KATNIP: variants seen among roughly 807,000 people sequenced by gnomAD.
KATNIP encodes the protein katanin interacting protein, also known as katanin-interacting protein.
In KATNIP, 126 loss-of-function variants were observed where a neutral mutation model predicts 174.0. The ratio of observed to expected loss-of-function variants is 0.72; its 90% CI spans 0.63 to 0.84. KATNIP has a LOEUF of 0.84. Ranked by LOEUF, KATNIP falls within the 40% of genes least tolerant of loss-of-function variation. The pLI is 0.00. For missense variants in KATNIP, 1,958 were observed against 2,109.7 expected (o/e 0.93, Z 1.41); for synonymous variants, 810 against 835.7 (o/e 0.97, Z 0.53).
intron 5 of KATNIP, among the ~76,000 whole-genome samples, chr16:27,639,541 C>T (rs879226138): frequency 6.6e-6 from 1 of 152,124 alleles, no homozygotes; most frequent in Admixed American, 6.5e-5. Context: ...AAGGGATTGG[C>T]CTTCCAGCAA....
intron 2 of KATNIP, among the ~76,000 whole-genome samples, chr16:27,612,041 T>C (rs907686894): frequency 6.6e-6 from 1 of 152,030 alleles, no homozygotes; most frequent in African/African-American, 2.4e-5. Context: ...AATAGGATGA[T>C]TAAGACATCA....
rs1369146392 is a variant in KATNIP at position 27,698,607 on chromosome 16, A to G, written c.1113+107A>G. 3.5e-6 allele frequency: 4 copies of G among 1,136,176 alleles called. No homozygotes were observed. In the African/African-American group the frequency reaches 6.3e-5, roughly 18 times the overall value. The allele number at this position is 1,136,176 out of a possible 1,614,324, so 70.4% of individuals were successfully genotyped here. On this transcript the variant is annotated intron_variant, in intron 9 of 27. Coordinates refer to ENST00000261588, the MANE Select transcript of KATNIP (RefSeq NM_015202.5). ...TGCAGAAGAGAGAGGTGTAGTGGGCATCGCTGACCCCAGACTCATCCGTGT... is the reference window on the plus strand; with the variant it reads ...TGCAGAAGAGAGAGGTGTAGTGGGCGTCGCTGACCCCAGACTCATCCGTGT...
chr16:27,749,373 CAGGATG>C (rs2081405550), intron 15 of KATNIP, among the ~76,000 whole-genome samples: 1 of 152,194 alleles, frequency 6.6e-6, no homozygotes, highest in Non-Finnish European at 1.5e-5. Context: ...CCATGCAGTG[CAGGATG>C]GTAACATGCC....
intron 18 of KATNIP, among the ~76,000 whole-genome samples, chr16:27,757,785 G>A (rs1018972787): frequency 5.9e-5 from 9 of 152,290 alleles, no homozygotes; most frequent in African/African-American, 1.2e-4. Context: ...GTGCAAGAGC[G>A]GAGCACAGAG....
intron 5 of KATNIP, among the ~76,000 whole-genome samples, chr16:27,645,839 C>G (rs541599363): frequency 2.0e-5 from 3 of 152,140 alleles, no homozygotes; most frequent in Non-Finnish European, 4.4e-5. Flanking sequence ...AGCTCTGCCT[C>G]GTAGACTTCT....
chr16:27,744,653 CGGGAA>C (rs1453981369), intron 15 of KATNIP, among the ~76,000 whole-genome samples: 1 of 151,688 alleles, frequency 6.6e-6, no homozygotes, highest in African/African-American at 2.4e-5. Context: ...GAGGCTGAGA[CGGGAA>C]GATCACCTGA....
At chr16:27,731,262 C>T (rs2080670197) in intron 14 of KATNIP, among the ~76,000 whole-genome samples, 1 of 152,220 alleles carries the variant, frequency 6.6e-6, no homozygotes, top group Non-Finnish European at 1.5e-5. Flanking sequence ...TGGCTGCTGC[C>T]AACCTCTGGC....
intron 16 of KATNIP, 75 bp downstream of exon 16, chr16:27,750,381 C>T: frequency 6.9e-7 from 1 of 1,444,630 alleles, no homozygotes; most frequent in Non-Finnish European, 9.4e-7. Context: ...AAAAACAGAC[C>T]AGCTGGCTAG....
Position 27,776,924 on chromosome 16 carries a change from A to T in KATNIP, c.4450-4A>T. The T allele has an allele frequency of 1.2e-6, 2 of 1,602,372 alleles. No homozygotes were observed. The highest frequency in any genetic ancestry group is 1.7e-6 in the Non-Finnish European group (2 of 1,169,482). On this transcript the variant is annotated splice_polypyrimidine_tract_variant and splice_region_variant and intron_variant, in intron 24 of 27. Transcript: ENST00000261588. The surrounding 1 kb of genome is among the most constrained non-coding windows in gnomAD (Gnocchi z 4.7). Reference sequence around the variant, plus strand: ...CTGTTTTAATTAGTGCCGCTCTCTGACAGGTGAACCGGGTTTATGTGATTT... The same window carrying T: ...CTGTTTTAATTAGTGCCGCTCTCTGTCAGGTGAACCGGGTTTATGTGATTT...
Position 27,637,997 on chromosome 16 carries a change from C to T in KATNIP, c.408+6835C>T, listed in dbSNP as rs116447862. On this transcript the variant is annotated intron_variant, in intron 5 of 27. Coordinates refer to ENST00000261588, the MANE Select transcript of KATNIP (RefSeq NM_015202.5). The surrounding 1 kb of genome is among the most constrained non-coding windows in gnomAD (Gnocchi z 4.7). ...CCCTGTCCCTGAGCTGCCGCCAACT[C>T]GTAGCTTCAGTGTTCCCCTGATCCA... Among the ~76,000 whole-genome samples the T allele has an allele frequency of 5.4e-3, 818 of 152,294 alleles. 12 individuals are homozygous for T. The highest frequency in any genetic ancestry group is 0.019 in the African/African-American group (783 of 41,560).
Position 27,699,915 on chromosome 16 carries a change from AT to A in KATNIP, c.1179+329del, listed in dbSNP as rs1021298684. ...ATTTATTTATTTTTTTATTTTATTTATTTTTTTTTTTTTGAGACAGAATCTC... is the reference window on the plus strand; with the variant it reads ...ATTTATTTATTTTTTTATTTTATTTATTTTTTTTTTTTGAGACAGAATCTC... On this transcript the variant is annotated intron_variant, in intron 10 of 27. Coordinates refer to ENST00000261588, the MANE Select transcript of KATNIP (RefSeq NM_015202.5). Among the ~76,000 whole-genome samples, 66 of 150,198 alleles carry A rather than the reference AT, an allele frequency of 4.4e-4. No individual in the cohort carries two copies. The South Asian group carries it at 7.4e-3, about 17-fold the overall frequency.
Position 27,573,908 on chromosome 16 carries a change from T to G in KATNIP, c.15T>G (p.Thr5=). The change falls in exon 2 of 28, where the codon ACT becomes ACG. Residue 5 remains threonine (T), a synonymous_variant. Transcript: ENST00000261588. ...GCTTTTGAACTGCGACAGGTCAGAC[T>G]CTGCGAAAGGCCGAGAGAAGCTGGT... MDGQ[T]LRKAERSWSC... 1 of 1,614,122 alleles carries G rather than the reference T, an allele frequency of 6.2e-7. No individual in the cohort carries two copies. The highest frequency in any genetic ancestry group is 8.5e-7 in the Non-Finnish European group (1 of 1,179,968).
intron 8 of KATNIP, chr16:27,687,506 G>C (rs1469333795): frequency 2.0e-5 from 3 of 152,078 alleles, no homozygotes; most frequent in Admixed American, 1.3e-4. Context: ...TTAAATGTGT[G>C]TGTGATGCAA....
At chr16:27,624,697 G>A (rs2076284285) in intron 3 of KATNIP, among the ~76,000 whole-genome samples, 1 of 152,138 alleles carries the variant, frequency 6.6e-6, no homozygotes, top group South Asian at 2.1e-4. Context: ...GCACGCACCT[G>A]TAGTCCCTGC....
At chr16:27,639,963 C>G (rs1344293926) in intron 5 of KATNIP, among the ~76,000 whole-genome samples, 3 of 152,236 alleles carry the variant, frequency 2.0e-5, no homozygotes, top group African/African-American at 7.2e-5. Context: ...TAGAGGGAGC[C>G]ATTTGCATAC....
chr16:27,708,892 T>G lies in KATNIP; in HGVS notation c.1577T>G (p.Leu526Arg), dbSNP rs1228187221. 1 of 1,613,450 alleles carries G rather than the reference T, an allele frequency of 6.2e-7. No homozygotes were observed. The highest frequency in any genetic ancestry group is 2.2e-5 in the East Asian group (1 of 44,868). The change falls in exon 13 of 28, where the codon CTG becomes CGG. Residue 526 changes from leucine (L) to arginine (R), a missense_variant. Physicochemically the swap from Leu to Arg is moderately radical, Grantham distance 102. This residue lies in a region of KATNIP where 1,557 missense variants were observed against 1,617.8 expected (regional missense o/e 0.96). Transcript: ENST00000261588. ...CGGAACACAGCCACGCCTGGGGAGC[T>G]GGGCCGCCTCGTCAACAGGAACTTA... ...DIRNTATPGE[L>R]GRLVNRNLAG...
intron 2 of KATNIP, among the ~76,000 whole-genome samples, chr16:27,592,028 A>G (rs570680369): frequency 2.8e-4 from 42 of 152,258 alleles, no homozygotes; most frequent in Non-Finnish European, 5.1e-4. Flanking sequence ...CCAACATAAT[A>G]AACAGCTTCA....
intron 24 of KATNIP, among the ~76,000 whole-genome samples, chr16:27,775,590 A>G (rs1176469948): frequency 1.3e-5 from 2 of 152,170 alleles, no homozygotes; most frequent in African/African-American, 4.8e-5. Flanking sequence ...CCAGATCTCA[A>G]ATCTTGCACT....
At chr16:27,766,570 T>C in intron 20 of KATNIP, 96 bp downstream of exon 20, 1 of 1,287,336 alleles carries the variant, frequency 7.8e-7, no homozygotes, top group Non-Finnish European at 1.1e-6. Context: ...GCATAAATCC[T>C]CCAGAATTTT....
Sources: allele counts gnomAD v4.1 joint callset (sites outside exome capture counted in the v4.1 genomes callset), GRCh38; gene constraint gnomAD v4.1.1; regional missense constraint gnomAD v4.1.1; non-coding constraint Gnocchi (gnomAD v3.1); transcripts MANE v1.5; gene names NCBI Gene and HGNC (gene_info 2026-07-23, HGNC 2026-07-21).